The following KCNMA1 variants were observed in gnomAD, a reference collection of about 807,000 sequenced individuals.
KCNMA1 encodes the protein Calcium-activated potassium channel subunit alpha-1.
In KCNMA1, 29 loss-of-function variants were observed where a neutral mutation model predicts 140.0. The ratio of observed to expected loss-of-function variants is 0.21; its 90% CI spans 0.15 to 0.28. The LOEUF (loss-of-function observed/expected upper bound fraction) is 0.28, where lower values mean the gene tolerates loss of function less well. KCNMA1 is among the 10% of genes least tolerant of loss of function. The pLI is 1.00. For missense variants in KCNMA1, 880 were observed against 1,602.2 expected (o/e 0.55, Z 7.70); for synonymous variants, 612 against 611.9 (o/e 1.00, Z 0.00).
exon 28 of KCNMA1, chr10:76,870,706 A>C (rs1446163035): frequency 1.3e-5 from 2 of 152,380 alleles, no homozygotes; most frequent in Non-Finnish European, 2.9e-5. Context: ...CTCCCTGGTG[A>C]GTCCTCCAGA....
chr10:76,963,848 G>A (rs983293185), intron 20 of KCNMA1, among the ~76,000 whole-genome samples: 2 of 152,008 alleles, frequency 1.3e-5, no homozygotes, highest in Non-Finnish European at 2.9e-5. Context: ...AAGACCTTGA[G>A]CACAATGTTC....
chr10:77,502,830 C>G (rs2044399768), intron 1 of KCNMA1, among the ~76,000 whole-genome samples: 1 of 152,154 alleles, frequency 6.6e-6, no homozygotes, highest in Non-Finnish European at 1.5e-5. Flanking sequence ...TGCAAAAGCT[C>G]CAAGCACCCA....
At chr10:77,512,699 G>A (rs2048819673) in intron 1 of KCNMA1, among the ~76,000 whole-genome samples, 1 of 152,190 alleles carries the variant, frequency 6.6e-6, no homozygotes, top group African/African-American at 2.4e-5. Context: ...AAGAAAAGGA[G>A]ATTAGGGCAC....
chr10:77,462,101 C>T (rs1217098707), intron 1 of KCNMA1, among the ~76,000 whole-genome samples: 1 of 151,848 alleles, frequency 6.6e-6, no homozygotes, highest in African/African-American at 2.4e-5. Flanking sequence ...CGGACACACA[C>T]AGAAACATGC....
chr10:77,314,498 C>A (rs182232405), intron 2 of KCNMA1, among the ~76,000 whole-genome samples: 3 of 152,186 alleles, frequency 2.0e-5, no homozygotes, highest in Non-Finnish European at 4.4e-5. Context: ...ATGTCAATTG[C>A]GCCCCTGCTG....
intron 2 of KCNMA1, among the ~76,000 whole-genome samples, chr10:77,351,673 C>T (rs1289602248): frequency 6.6e-6 from 1 of 152,166 alleles, no homozygotes; most frequent in African/African-American, 2.4e-5. Flanking sequence ...TTAGACTCTG[C>T]AAATTGTTTA....
chr10:77,342,620 C>T (rs925487125), intron 2 of KCNMA1, among the ~76,000 whole-genome samples: 2 of 152,202 alleles, frequency 1.3e-5, no homozygotes, highest in African/African-American at 4.8e-5. Context: ...GGCCACCACA[C>T]GAATGCTTCT....
chr10:77,339,573 T>C (rs1237817075), intron 2 of KCNMA1, among the ~76,000 whole-genome samples: 1 of 152,064 alleles, frequency 6.6e-6, no homozygotes, highest in East Asian at 1.9e-4. Context: ...GTGCCTCAAG[T>C]CAAAGACCTG....
chr10:77,246,023 A>G (rs889520822), intron 3 of KCNMA1, among the ~76,000 whole-genome samples: 1 of 152,208 alleles, frequency 6.6e-6, no homozygotes, highest in African/African-American at 2.4e-5. Context: ...CTACGTACCC[A>G]CAACTGCACA....
At chr10:77,140,964 G>A (rs896660398) in intron 5 of KCNMA1, among the ~76,000 whole-genome samples, 1 of 152,074 alleles carries the variant, frequency 6.6e-6, no homozygotes, top group Non-Finnish European at 1.5e-5. Context: ...CCACTAAGTC[G>A]TTTCTTTTAT....
intron 1 of KCNMA1, among the ~76,000 whole-genome samples, chr10:77,454,847 A>C (rs965826094): frequency 4.6e-5 from 7 of 152,122 alleles, no homozygotes; most frequent in African/African-American, 1.7e-4. Context: ...AAATCCAAAA[A>C]TGGGCCCAAG....
intron 3 of KCNMA1, among the ~76,000 whole-genome samples, chr10:77,246,044 A>G (rs1369380283): frequency 6.6e-6 from 1 of 152,200 alleles, no homozygotes; most frequent in Non-Finnish European, 1.5e-5. Context: ...CTTGGTTCTC[A>G]GGGTGAGAAA....
Position 77,108,349 on chromosome 10 carries a change from A to G in KCNMA1, c.1223+132T>C. 1 of 1,584,474 alleles carries G rather than the reference A, an allele frequency of 6.3e-7. No individual in the cohort carries two copies. Among genetic ancestry groups the G allele is most frequent in the Non-Finnish European group, 8.5e-7 (1 of 1,172,146 alleles). On this transcript the variant is annotated intron_variant, in intron 9 of 27. Transcript: ENST00000286628. The surrounding 1 kb of genome is among the most constrained non-coding windows in gnomAD (Gnocchi z 4.6). The stretch of plus-strand genomic sequence containing the variant: ...ATTCCGACTCAGGATGAGAGCAGCA[A>G]TTTCGGGCACGTAGCGGGCAAACAT...
intron 2 of KCNMA1, among the ~76,000 whole-genome samples, chr10:77,300,802 C>G (rs906002541): frequency 3.9e-5 from 6 of 152,172 alleles, no homozygotes; most frequent in Non-Finnish European, 7.3e-5. Context: ...TCTTCTCCAG[C>G]CCCTCTGGAC....
intron 3 of KCNMA1, among the ~76,000 whole-genome samples, chr10:77,242,899 T>TAA (rs35452673): frequency 7.4e-4 from 83 of 111,666 alleles, no homozygotes; most frequent in African/African-American, 2.6e-3. Flanking sequence ...AATTGTTTCC[T>TAA]ACACACACAC....
intron 1 of KCNMA1, among the ~76,000 whole-genome samples, chr10:77,595,116 CG>C (rs1464472646): frequency 6.6e-6 from 1 of 152,118 alleles, no homozygotes; most frequent in Non-Finnish European, 1.5e-5. Flanking sequence ...GAGGCCAAGG[CG>C]GGCAGATCAC....
At chr10:77,276,303 G>A (rs1318430269) in intron 2 of KCNMA1, among the ~76,000 whole-genome samples, 5 of 152,232 alleles carry the variant, frequency 3.3e-5, no homozygotes, top group African/African-American at 1.2e-4. Context: ...GCAGGGGCCT[G>A]CTAACAGGTA....
intron 15 of KCNMA1, among the ~76,000 whole-genome samples, chr10:77,033,642 A>G (rs1030097307): frequency 2.6e-5 from 4 of 152,218 alleles, no homozygotes; most frequent in Non-Finnish European, 5.9e-5. Context: ...GTTTGCTACA[A>G]GAACCCAGTG....
chr10:77,431,681 T>TTAAAA (rs1430096519), intron 1 of KCNMA1, among the ~76,000 whole-genome samples: 4 of 75,436 alleles, frequency 5.3e-5, no homozygotes, highest in African/African-American at 1.5e-4. Flanking sequence ...TGGTCTGTTG[T>TTAAAA]AAAAAAAAAA....
Sources: allele counts gnomAD v4.1 joint callset (sites outside exome capture counted in the v4.1 genomes callset), GRCh38; gene constraint gnomAD v4.1.1; non-coding constraint Gnocchi (gnomAD v3.1); transcripts MANE v1.5; gene names NCBI Gene and HGNC (gene_info 2026-07-23, HGNC 2026-07-21).